The following SSC5D variants were observed in gnomAD, a reference collection of about 807,000 sequenced individuals.
SSC5D encodes scavenger receptor cysteine rich family member with 5 domains.
SSC5D carries 106 observed loss-of-function variants against 104.6 expected under a neutral mutation model. That is an observed-to-expected ratio of 1.01 (90% CI 0.87 to 1.19). The LOEUF is 1.19. Ranked by LOEUF, SSC5D falls within the 50% of genes most tolerant of loss-of-function variation. SSC5D has a pLI of 0.00. For missense variants in SSC5D, 1,993 were observed against 2,153.8 expected, an observed-to-expected ratio of 0.93 and a Z score of 1.48; for synonymous variants, 860 against 883.5, an observed-to-expected ratio of 0.97 and a Z score of 0.47.
chr19:55,503,927 C>A lies in SSC5D; in HGVS notation c.2785+2726C>A, dbSNP rs951007456. Reference sequence around the variant, plus strand: ...GCCTCGCACCTCGTGACGTCACAGGCGCGCTGCGCCTCCTGATTGGCCAGC... The same window carrying A: ...GCCTCGCACCTCGTGACGTCACAGGAGCGCTGCGCCTCCTGATTGGCCAGC... On this transcript the variant is annotated intron_variant, in intron 12 of 13. Transcript: ENST00000389623. This position sits in a 1 kb window ranked among gnomAD's most constrained non-coding sequence, Gnocchi z 4.0. Among the ~76,000 whole-genome samples, 1 of 152,220 alleles carries A rather than the reference C, an allele frequency of 6.6e-6. No homozygotes were observed. Among genetic ancestry groups the A allele is most frequent in the Non-Finnish European group, 1.5e-5 (1 of 68,048 alleles).
chr19:55,518,802 AG>A lies in SSC5D; in HGVS notation c.4528del (p.Val1510SerfsTer16). 6.4e-7 allele frequency: 1 copy of A among 1,550,554 alleles called. No individual in the cohort carries two copies. Among genetic ancestry groups the A allele is most frequent in the Non-Finnish European group, 8.7e-7 (1 of 1,146,992 alleles). ...DVGGQLQRLT[Q>X]VVEQERQERQ... ...GGTGGTCAGCTGCAGAGACTGACCC[AG>A]GTCGTGGAACAGGAGCGGCAGGAGC... is the stretch of plus-strand genomic sequence containing the variant. On this transcript the variant is annotated frameshift_variant, in exon 14 of 14. Transcript: ENST00000389623. LOFTEE classifies it high-confidence loss of function.
At position 55,493,913 on chromosome 19, in the gene SSC5D, G is replaced by C; in HGVS notation, c.1213+1G>C. ...GAGGACGCCGGGGCCGTGTGTGACG[G>C]TGAGGGGGTTGTGGTGGAGGACCGG... is the stretch of plus-strand genomic sequence containing the variant. On this transcript the variant is annotated splice_donor_variant, in intron 7 of 13. Transcript: ENST00000389623. LOFTEE classifies it high-confidence loss of function. 4.5e-6 allele frequency: 7 copies of C among 1,542,458 alleles called. No homozygotes were observed. The South Asian group carries it at 8.3e-5, about 18-fold the overall frequency.
At chr19:55,488,661 C>T (rs181707137) in intron 1 of SSC5D, 47 bp downstream of exon 1, 4 of 1,487,752 alleles carry the variant, frequency 2.7e-6, no homozygotes, top group Non-Finnish European at 1.8e-6. Flanking sequence ...TAGGCCCCCA[C>T]CTCTGACCCC....
chr19:55,508,872 C>T (rs542031979), intron 12 of SSC5D, among the ~76,000 whole-genome samples: 15 of 45,832 alleles, frequency 3.3e-4, no homozygotes, highest in African/African-American at 1.4e-3. Flanking sequence ...GCAGGGATGG[C>T]CTCATCCACA....
At chr19:55,502,934 G>A (rs549552265) in intron 12 of SSC5D, among the ~76,000 whole-genome samples, 21 of 152,128 alleles carry the variant, frequency 1.4e-4, no homozygotes, top group Non-Finnish European at 2.9e-4. Context: ...TCCTGCCTCA[G>A]CCTCCTGAAT....
At chr19:55,493,994 G>GCCCCCCCC in intron 7 of SSC5D, 82 bp downstream of exon 7, 2 of 143,310 alleles carry the variant, frequency 1.4e-5, no homozygotes, top group Non-Finnish European at 2.9e-5. Context: ...GGGCGGGGGG[G>GCCCCCCCC]TCCCTACGCG....
intron 12 of SSC5D, among the ~76,000 whole-genome samples, chr19:55,510,773 ATGTT>A (rs1194013820): frequency 4.7e-5 from 7 of 150,506 alleles, no homozygotes; most frequent in African/African-American, 1.7e-4. Flanking sequence ...GTTTGCTTTT[ATGTT>A]TGTTTGCTTG....
chr19:55,499,286 G>C (rs1330596700), intron 9 of SSC5D, among the ~76,000 whole-genome samples: 4 of 152,242 alleles, frequency 2.6e-5, no homozygotes, highest in Admixed American at 2.6e-4. Flanking sequence ...TAATCAGAAA[G>C]ATGGAAGATG....
In SSC5D at chr19:55,490,370, C is replaced by T; in HGVS notation, c.548C>T (p.Thr183Ile). Reference protein sequence around the residue: ...KSPRPKQAKSTRAPLLTTGAP... With the variant: ...KSPRPKQAKSIRAPLLTTGAP... Reference sequence around the variant, plus strand: ...CCCCGGCCCAAGCAGGCCAAGTCCACCCGGGCCCCTCTGCTGACGACAGGA... The same window carrying T: ...CCCCGGCCCAAGCAGGCCAAGTCCATCCGGGCCCCTCTGCTGACGACAGGA... The change falls in exon 5 of 14, where the codon ACC (threonine) becomes ATC (isoleucine). Residue 183 changes from threonine (T) to isoleucine (I), a missense_variant. By Grantham distance (89) the Thr-to-Ile change is moderately conservative. Transcript: ENST00000389623. The T allele has an allele frequency of 3.3e-6, 5 of 1,520,678 alleles. No homozygotes were observed. The highest frequency in any genetic ancestry group is 1.2e-5 in the South Asian group (1 of 82,666). The allele number at this position is 1,520,678 out of a possible 1,614,324, so 94.2% of individuals were successfully genotyped here. A position where few individuals can be genotyped will look rare whatever the true frequency, so the allele number is the denominator to read the frequency against.
chr19:55,488,612 T>G lies in SSC5D; in HGVS notation c.23T>G (p.Leu8Arg). The G allele has an allele frequency of 6.5e-7, 1 of 1,548,742 alleles. No individual in the cohort carries two copies. MRVLACL[L>R]AALVGIQAVE... ...ACCATGAGGGTCTTGGCCTGCCTCCTTGGTGAGTGATCCATTCTCCTTGGG... is the reference window on the plus strand; with the variant it reads ...ACCATGAGGGTCTTGGCCTGCCTCCGTGGTGAGTGATCCATTCTCCTTGGG... Residue 8 changes from leucine (L) to arginine (R), a missense_variant and splice_region_variant, in exon 1 of 14, where the codon CTT (leucine) becomes CGT (arginine). By Grantham distance (102) the Leu-to-Arg change is moderately radical. Around this residue, in one of 6 missense-constraint regions of SSC5D, gnomAD observed 1,101 missense variants for 1,085.0 expected, o/e 1.01. Coordinates refer to ENST00000389623, the MANE Select transcript of SSC5D (RefSeq NM_001144950.2).
chr19:55,498,283 T>C, intron 9 of SSC5D, 86 bp downstream of exon 9: 1 of 1,403,360 alleles, frequency 7.1e-7, no homozygotes, highest in Non-Finnish European at 9.8e-7. Context: ...ATTGATTGAG[T>C]GCTTCCTAAG....
At position 55,501,266 on chromosome 19, in the gene SSC5D, G is replaced by T; in HGVS notation, c.2785+65G>T. On this transcript the variant is annotated intron_variant, in intron 12 of 13. Transcript: ENST00000389623. The stretch of plus-strand genomic sequence containing the variant: ...AAACCTCCATTCGCTTCCCTGCAGG[G>T]TTTCCAGAAAGACCCTTCTCAATGA... 5 of 1,454,160 alleles carry T rather than the reference G, an allele frequency of 3.4e-6. No individual in the cohort carries two copies. The South Asian group carries it at 5.9e-5, about 17-fold the overall frequency. The allele number at this position is 1,454,160 out of a possible 1,614,324, so 90.1% of individuals were successfully genotyped here.
rs1004282603 is a variant in SSC5D at position 55,490,218 on chromosome 19, C to T, written c.476-80C>T. On this transcript the variant is annotated intron_variant, in intron 4 of 13. Coordinates refer to ENST00000389623, the MANE Select transcript of SSC5D (RefSeq NM_001144950.2). ...GGAGTCCTCCATCACTTCAGACCCTCAGAGACGGAGGCCTGGGCCCCCAGG... is the reference window on the plus strand; with the variant it reads ...GGAGTCCTCCATCACTTCAGACCCTTAGAGACGGAGGCCTGGGCCCCCAGG... The T allele has an allele frequency of 4.2e-5, 27 of 646,854 alleles. No homozygotes were observed. The African/African-American group carries it at 4.9e-4, about 12-fold the overall frequency. The allele number at this position is 646,854 out of a possible 1,614,324, so 40.1% of individuals were successfully genotyped here. A position where few individuals can be genotyped will look rare whatever the true frequency, so the allele number is the denominator to read the frequency against.
chr19:55,488,790 G>A (rs77020325), intron 1 of SSC5D, among the ~76,000 whole-genome samples, 176 bp downstream of exon 1: 2,685 of 43,280 alleles, frequency 0.062, 44 homozygotes, highest in Non-Finnish European at 0.092. Flanking sequence ...CAGCCCAGAA[G>A]CCCAAGGGAC....
intron 13 of SSC5D, among the ~76,000 whole-genome samples, chr19:55,516,444 C>G (rs1026527870): frequency 6.6e-6 from 1 of 151,790 alleles, no homozygotes; most frequent in Non-Finnish European, 1.5e-5. Context: ...TTGCAGTGAG[C>G]CGAGATCACG....
intron 12 of SSC5D, among the ~76,000 whole-genome samples, chr19:55,511,671 A>T (rs1333577675): frequency 6.6e-6 from 1 of 152,114 alleles, no homozygotes; most frequent in Admixed American, 6.5e-5. Flanking sequence ...TGCCCTCCTA[A>T]CTCAAGGTCA....
rs1165683399 is a variant in SSC5D, at chr19:55,517,590, C to T, written c.3314C>T (p.Pro1105Leu). 1 of 1,551,662 alleles carries T rather than the reference C, an allele frequency of 6.4e-7. No individual in the cohort carries two copies. The highest frequency in any genetic ancestry group is 1.2e-5 in the South Asian group (1 of 84,050). ...GAGCTGACCTCTGACCCTTCTACAC[C>T]GTCGGAGGTGACCAGCCTTTCCCCT... ...PKELTSDPST[P>L]SEVTSLSPTS... The change falls in exon 14 of 14, where the codon CCG (proline) becomes CTG (leucine). Residue 1105 changes from proline (P) to leucine (L), a missense_variant. This residue lies in a region of SSC5D where 423 missense variants were observed against 409.2 expected (regional missense o/e 1.03). Transcript: ENST00000389623.
intron 1 of SSC5D, 97 bp downstream of exon 1, chr19:55,488,711 G>C: frequency 9.0e-7 from 1 of 1,112,290 alleles, no homozygotes; most frequent in South Asian, 1.3e-5. Context: ...TCCGGGACTG[G>C]TCGCTGGTGC....
intron 6 of SSC5D, chr19:55,491,696 G>A (rs1987147957): frequency 6.5e-6 from 1 of 152,728 alleles, no homozygotes; most frequent in Non-Finnish European, 1.5e-5. Context: ...TGTACCCCTT[G>A]GACCTGGGAT....
Sources: gnomAD v4.1 joint callset for allele counts (sites outside exome capture counted in the v4.1 genomes callset) on GRCh38, gnomAD v4.1.1 for gene constraint, gnomAD v4.1.1 regional missense constraint, Gnocchi (gnomAD v3.1) non-coding constraint, MANE v1.5 for transcripts, NCBI Gene and HGNC (gene_info 2026-07-23, HGNC 2026-07-21) for gene names.